EDARADD: variants seen among roughly 807,000 people sequenced by gnomAD.
EDARADD encodes the protein EDAR associated via death domain.
A neutral mutation model predicts 25.6 loss-of-function variants in EDARADD; 20 were observed. The observed-to-expected ratio is 0.78, with a 90% CI of 0.55 to 1.14. The LOEUF (loss-of-function observed/expected upper bound fraction) is 1.14. EDARADD is among the 50% of genes most tolerant of loss of function. The pLI is 0.00. For missense variants in EDARADD, 225 were observed against 270.1 expected, an observed-to-expected ratio of 0.83 and a Z score of 1.17; for synonymous variants, 86 against 94.4, an observed-to-expected ratio of 0.91 and a Z score of 0.52.
At chr1:236,364,294 A>C (rs566043561) in intron 3 of EDARADD, among the ~76,000 whole-genome samples, 1 of 152,298 alleles carries the variant, frequency 6.6e-6, no homozygotes, top group Non-Finnish European at 1.5e-5. Flanking sequence ...ATATGAAGCT[A>C]TTTGGTCTGT....
intron 3 of EDARADD, among the ~76,000 whole-genome samples, chr1:236,424,152 A>ATTTTTTT (rs1558119413): frequency 9.0e-6 from 1 of 110,572 alleles, no homozygotes; most frequent in African/African-American, 3.2e-5. Context: ...ACTGTGAAGC[A>ATTTTTTT]TCTTTTTTTT....
intron 4 of EDARADD, among the ~76,000 whole-genome samples, chr1:236,463,213 C>G (rs185386133): frequency 6.6e-6 from 1 of 152,300 alleles, no homozygotes; most frequent in East Asian, 1.9e-4. Context: ...CAGAACATGT[C>G]GAGCGTGTTG....
intron 4 of EDARADD, among the ~76,000 whole-genome samples, chr1:236,464,360 G>A (rs923844534): frequency 2.0e-5 from 3 of 146,662 alleles, no homozygotes; most frequent in African/African-American, 7.6e-5. Flanking sequence ...AGATCCTCTT[G>A]CCACAGCCTC....
chr1:236,395,729 G>T lies in EDARADD; in HGVS notation c.61+1224G>T, dbSNP rs1667503995. On this transcript the variant is annotated intron_variant, in intron 1 of 5. Coordinates refer to ENST00000334232, the MANE Select transcript of EDARADD (RefSeq NM_145861.4). The surrounding 1 kb of genome is among the most constrained non-coding windows in gnomAD (Gnocchi z 6.9). The stretch of plus-strand genomic sequence containing the variant: ...CGGGGCGGGAGCTCGGGAGGCGCTC[G>T]CAGCAGCCGCAGGGCTATCGAGGCC... The T allele has an allele frequency of 2.6e-6, 4 of 1,519,276 alleles. No homozygotes were observed. The highest frequency in any genetic ancestry group is 1.2e-5 in the South Asian group (1 of 82,080). 94.1% of individuals were successfully genotyped at this position (1,519,276 alleles called of 1,614,324 possible).
intron 4 of EDARADD, among the ~76,000 whole-genome samples, chr1:236,457,019 C>G (rs1438376241): frequency 6.6e-6 from 1 of 152,014 alleles, no homozygotes; most frequent in Non-Finnish European, 1.5e-5. Flanking sequence ...CTCATTTTTC[C>G]CACTGCCAGT....
At chr1:236,349,696 TAGC>T (rs1666891874) in intron 2 of EDARADD, among the ~76,000 whole-genome samples, 1 of 146,434 alleles carries the variant, frequency 6.8e-6, no homozygotes. Context: ...AGTTCTCCGA[TAGC>T]AGACTTCAGA....
At chr1:236,431,649 C>T (rs1385641028) in intron 4 of EDARADD, among the ~76,000 whole-genome samples, 2 of 49,742 alleles carry the variant, frequency 4.0e-5, no homozygotes, top group African/African-American at 7.6e-5. Flanking sequence ...GGGCCGGGCG[C>T]GGTGGCTCAC....
rs1016965056 is a variant in EDARADD at position 236,395,570 on chromosome 1, C to T, written c.61+1065C>T. On this transcript the variant is annotated intron_variant, in intron 1 of 5. Transcript: ENST00000334232. The surrounding 1 kb of genome is among the most constrained non-coding windows in gnomAD (Gnocchi z 6.9). ...TTCATCCCCGTGGTCCCACGGTCCT[C>T]CCGCGCCCCGGAGGCCTGCCAGCCC... The T allele has an allele frequency of 1.9e-6, 3 of 1,543,708 alleles. No homozygotes were observed. The highest frequency in any genetic ancestry group is 2.0e-5 in the Admixed American group (1 of 51,188).
upstream of EDARADD, among the ~76,000 whole-genome samples, chr1:236,390,292 A>G (rs1667406294): frequency 2.0e-5 from 3 of 152,184 alleles, no homozygotes; most frequent in South Asian, 6.2e-4. Flanking sequence ...GTGGTGGCTC[A>G]TGCCTGTAAT....
At chr1:236,428,637 C>T (rs1331894897) in intron 4 of EDARADD, among the ~76,000 whole-genome samples, 2 of 140,848 alleles carry the variant, frequency 1.4e-5, no homozygotes, top group Non-Finnish European at 3.2e-5. Flanking sequence ...CGGAGACGCT[C>T]CTCACTTCCT....
chr1:236,444,699 T>TGGTGGTC (rs1658485368), intron 4 of EDARADD, among the ~76,000 whole-genome samples: 1 of 152,140 alleles, frequency 6.6e-6, no homozygotes, highest in African/African-American at 2.4e-5. Context: ...GCTGGGATTA[T>TGGTGGTC]AGGCGTGAGC....
At chr1:236,478,690 C>A (rs1207714295) in intron 5 of EDARADD, among the ~76,000 whole-genome samples, 1 of 152,052 alleles carries the variant, frequency 6.6e-6, no homozygotes, top group Non-Finnish European at 1.5e-5. Flanking sequence ...GAGTTGACGC[C>A]ATTCTCCTGC....
rs182125845 is a variant in EDARADD, at chr1:236,413,153, C to G, written c.121-1107C>G. On this transcript the variant is annotated intron_variant, in intron 2 of 5. Coordinates refer to ENST00000334232, the MANE Select transcript of EDARADD (RefSeq NM_145861.4). Reference sequence around the variant, plus strand: ...TGCTGGGATTACAGGCGTGAGCCACCGCACCCAGCCTCTTTTTGAAACAGA... The same window carrying G: ...TGCTGGGATTACAGGCGTGAGCCACGGCACCCAGCCTCTTTTTGAAACAGA... 7.6e-3 allele frequency among the ~76,000 whole-genome samples: 1,159 copies of G among 152,324 alleles called. 12 individuals are homozygous for G. The highest frequency in any genetic ancestry group is 0.027 in the African/African-American group (1,103 of 41,556).
Position 236,395,595 on chromosome 1 carries a change from C to G in EDARADD, c.61+1090C>G. On this transcript the variant is annotated intron_variant, in intron 1 of 5. Transcript: ENST00000334232. This position sits in a 1 kb window ranked among gnomAD's most constrained non-coding sequence, Gnocchi z 6.9. The stretch of plus-strand genomic sequence containing the variant: ...CCCGCGCCCCGGAGGCCTGCCAGCC[C>G]CGCTCGGACGCTCGTTTGCCCCTAA... The G allele has an allele frequency of 1.3e-6, 2 of 1,551,440 alleles. No homozygotes were observed.
At chr1:236,409,608 C>G (rs897097065) in intron 2 of EDARADD, among the ~76,000 whole-genome samples, 6 of 152,014 alleles carry the variant, frequency 3.9e-5, no homozygotes, top group African/African-American at 1.4e-4. Context: ...CTCACCCAGG[C>G]TGGAGTGCAG....
intron 3 of EDARADD, among the ~76,000 whole-genome samples, chr1:236,364,845 A>G (rs1667093344): frequency 6.6e-6 from 1 of 152,136 alleles, no homozygotes; most frequent in African/African-American, 2.4e-5. Flanking sequence ...TAACAGTTTT[A>G]ATTTCTTTCC....
At position 236,484,450 on chromosome 1, in the gene EDARADD, G is replaced by A; in HGVS notation, c.*1801G>A. The A allele has an allele frequency of 6.2e-7, 1 of 1,609,344 alleles. No individual in the cohort carries two copies. ...GCTAAGTTTGCCGGCAGGAACTTCA[G>A]AAACCCCCCAGCCAAGTAAGCTGTG... On this transcript the variant is annotated 3_prime_UTR_variant, in exon 6 of 6. Transcript: ENST00000334232. This position sits in a 1 kb window ranked among gnomAD's most constrained non-coding sequence, Gnocchi z 4.1.
intron 4 of EDARADD, among the ~76,000 whole-genome samples, chr1:236,435,273 A>G (rs1395643006): frequency 1.3e-5 from 2 of 152,262 alleles, no homozygotes; most frequent in South Asian, 2.1e-4. Flanking sequence ...GAAGAAAACC[A>G]TCTGTGCTCA....
rs1558140230 is a variant in EDARADD at position 236,482,512 on chromosome 1, A to C, written c.511A>C (p.Asn171His). The C allele has an allele frequency of 6.2e-7, 1 of 1,613,436 alleles. No homozygotes were observed. The highest frequency in any genetic ancestry group is 1.7e-5 in the Admixed American group (1 of 59,992). Residue 171 changes from asparagine to histidine, a missense_variant, in exon 6 of 6, where the codon AAC becomes CAC. Transcript: ENST00000334232. ...QSPTLEFLLR[N>H]SQRTVGQLME... Reference sequence around the variant, plus strand: ...CCCCACCTTGGAGTTCTTGCTCCGGAACAGTCAGAGGACGGTGGGCCAGCT... The same window carrying C: ...CCCCACCTTGGAGTTCTTGCTCCGGCACAGTCAGAGGACGGTGGGCCAGCT...
Sources: allele counts gnomAD v4.1 joint callset (sites outside exome capture counted in the v4.1 genomes callset), GRCh38; gene constraint gnomAD v4.1.1; non-coding constraint Gnocchi (gnomAD v3.1); transcripts MANE v1.5; gene names NCBI Gene and HGNC (gene_info 2026-07-23, HGNC 2026-07-21).